EIF2B2: variants seen among roughly 807,000 people sequenced by gnomAD.
EIF2B2 encodes the protein eukaryotic translation initiation factor 2B subunit beta, also known as translation initiation factor eIF2B subunit beta.
Under a neutral mutation model 34.7 loss-of-function variants are expected in EIF2B2, and 34 were observed. The ratio of observed to expected loss-of-function variants is 0.98; its 90% confidence interval spans 0.75 to 1.31. The LOEUF (loss-of-function observed/expected upper bound fraction) is 1.31, where lower values mean the gene tolerates loss of function less well. Ranked by LOEUF, EIF2B2 falls within the 50% of genes most tolerant of loss-of-function variation. The pLI is 0.00. For synonymous variants in EIF2B2, 155 were observed against 171.6 expected, an observed-to-expected ratio of 0.90 and a Z score of 0.76; for missense variants, 361 against 447.7, an observed-to-expected ratio of 0.81 and a Z score of 1.75.
In EIF2B2 at chr14:75,011,000, T is replaced by G. The variant is rs1032909193; in HGVS notation, c.*1812T>G. On this transcript the variant is annotated 3_prime_UTR_variant, in exon 8 of 8. Transcript: ENST00000266126. ...GGTCAGGAGTTTGAGACCAGCCTGG[T>G]CAAAATGGCGAAACTAAAATACTAT... 2 of 152,116 alleles carry G rather than the reference T, an allele frequency of 1.3e-5. No individual in the cohort carries two copies. The highest frequency in any genetic ancestry group is 4.8e-5 in the African/African-American group (2 of 41,418). The allele number at this position is 152,116 out of a possible 1,614,324, so 9.4% of individuals were successfully genotyped here.
At position 75,009,495 on chromosome 14, in the gene EIF2B2, A is replaced by G. The variant is rs1405855277; in HGVS notation, c.*307A>G. On this transcript the variant is annotated 3_prime_UTR_variant, in exon 8 of 8. Coordinates refer to ENST00000266126, the MANE Select transcript of EIF2B2 (RefSeq NM_014239.4). ...TTTCTGGTTCAGTAGTGTGTTAAAC[A>G]TAACACTGAATACCTTACTGGGATA... The G allele has an allele frequency of 1.8e-5, 7 of 391,016 alleles. No homozygotes were observed. Among genetic ancestry groups the G allele is most frequent in the Non-Finnish European group, 2.9e-5 (6 of 205,472 alleles). 24.2% of individuals were successfully genotyped at this position (391,016 alleles called of 1,614,324 possible).
At chr14:75,003,419 T>C in intron 2 of EIF2B2, 24 bp downstream of exon 2, 3 of 1,613,870 alleles carry the variant, frequency 1.9e-6, no homozygotes, top group Non-Finnish European at 2.5e-6. Flanking sequence ...CCTGGGCTCC[T>C]GGTTGGATCC....
rs1402030349 is a variant in EIF2B2 at position 75,003,575 on chromosome 14, T to TG, written c.310dup (p.Asp104GlyfsTer32). ...GACTCCATGGACGCAGCGACGAGAG[T>TG]GATCAGCAGGAGTCCCTGCACAAAC... On this transcript the variant is annotated frameshift_variant, in exon 3 of 8. Coordinates refer to ENST00000266126, the MANE Select transcript of EIF2B2 (RefSeq NM_014239.4). LOFTEE classifies it high-confidence loss of function. 6.2e-7 allele frequency: 1 copy of TG among 1,613,908 alleles called. No individual in the cohort carries two copies. Among genetic ancestry groups the TG allele is most frequent in the Non-Finnish European group, 8.5e-7 (1 of 1,179,970 alleles).
chr14:75,007,927 T>A (rs1889651611), intron 7 of EIF2B2, 139 bp downstream of exon 7: 2 of 805,992 alleles, frequency 2.5e-6, no homozygotes, highest in Non-Finnish European at 4.1e-6. Context: ...ATACTTCTTG[T>A]GGGGACTGTT....
intron 4 of EIF2B2, among the ~76,000 whole-genome samples, chr14:75,005,464 G>C (rs1361980212): frequency 6.6e-6 from 1 of 152,016 alleles, no homozygotes; most frequent in Non-Finnish European, 1.5e-5. Context: ...AATTACCTTG[G>C]GGATGACTAA....
chr14:75,002,946 AGGTGT>A lies in EIF2B2; in HGVS notation c.-42_-38del, dbSNP rs534085536. ...GGAAGTGCAAACTGTGTGGTCTGGC[AGGTGT>A]GGATTCCGCCGGTGAAGGCTGAAGG... On this transcript the variant is annotated 5_prime_UTR_variant, in exon 1 of 8. Coordinates refer to ENST00000266126, the MANE Select transcript of EIF2B2 (RefSeq NM_014239.4). 167 of 1,613,006 alleles carry A rather than the reference AGGTGT, an allele frequency of 1.0e-4. No homozygotes were observed. The African/African-American group carries it at 2.0e-3, about 19-fold the overall frequency.
rs756365729 is a variant in EIF2B2 at position 75,007,707 on chromosome 14, T to G, written c.832-15T>G. 14 of 1,611,770 alleles carry G rather than the reference T, an allele frequency of 8.7e-6. No individual in the cohort carries two copies. The highest frequency in any genetic ancestry group is 1.2e-5 in the Non-Finnish European group (14 of 1,178,492). On this transcript the variant is annotated splice_polypyrimidine_tract_variant and intron_variant, in intron 6 of 7. Coordinates refer to ENST00000266126, the MANE Select transcript of EIF2B2 (RefSeq NM_014239.4). Reference sequence around the variant, plus strand: ...TTGCTGGGTCTCTAGTTTTTATAAATTTTTTCCTTTTTAGTTCCCCAATGA... The same window carrying G: ...TTGCTGGGTCTCTAGTTTTTATAAAGTTTTTCCTTTTTAGTTCCCCAATGA...
chr14:75,009,463 C>T lies in EIF2B2; in HGVS notation c.*275C>T. On this transcript the variant is annotated 3_prime_UTR_variant, in exon 8 of 8. Transcript: ENST00000266126. ...GACCTGGTTGCGTCTGTGTCAGGAA[C>T]TTAAACTTTCTGGTTCAGTAGTGTG... The T allele has an allele frequency of 4.4e-6, 2 of 455,566 alleles. No homozygotes were observed. The highest frequency in any genetic ancestry group is 2.1e-5 in the South Asian group (1 of 48,024). 28.2% of individuals were successfully genotyped at this position (455,566 alleles called of 1,614,324 possible).
In EIF2B2 at chr14:75,004,744, A is replaced by T. The variant is rs764538257; in HGVS notation, c.441A>T (p.Thr147=). The T allele has an allele frequency of 6.5e-7, 1 of 1,538,660 alleles. No individual in the cohort carries two copies. Among genetic ancestry groups the T allele is most frequent in the South Asian group, 1.1e-5 (1 of 88,978 alleles). Residue 147 remains threonine, a synonymous_variant, in exon 4 of 8, where the codon ACA becomes ACT. Transcript: ENST00000266126. ...GCAAAACCGTTCTTACAGAAGGGAC[A>T]ATGGAGAACATTGCAGCCCAGGCTC... ...INELLVELEG[T]MENIAAQALE...
chr14:75,007,276 T>C, intron 6 of EIF2B2: 1 of 358,614 alleles, frequency 2.8e-6, no homozygotes. Flanking sequence ...CACTCTCTAG[T>C]TTCAAAACTT....
intron 4 of EIF2B2, 122 bp from the exon 5 acceptor site, chr14:75,005,744 A>T: frequency 1.3e-6 from 1 of 792,762 alleles, no homozygotes; most frequent in Non-Finnish European, 2.2e-6. Context: ...TGAGTTATCT[A>T]TTGGAAATTA....
rs781057047 is a variant in EIF2B2, at chr14:75,002,969, G to C, written c.-22G>C. Reference sequence around the variant, plus strand: ...GCAGGTGTGGATTCCGCCGGTGAAGGCTGAAGGCAGCTACCTTAAAGATGC... The same window carrying C: ...GCAGGTGTGGATTCCGCCGGTGAAGCCTGAAGGCAGCTACCTTAAAGATGC... On this transcript the variant is annotated 5_prime_UTR_variant, in exon 1 of 8. Transcript: ENST00000266126. The C allele has an allele frequency of 6.2e-7, 1 of 1,613,782 alleles. No homozygotes were observed. Among genetic ancestry groups the C allele is most frequent in the South Asian group, 1.1e-5 (1 of 91,074 alleles).
In EIF2B2 at chr14:75,006,438, C is replaced by T; in HGVS notation, c.694-139C>T. Reference sequence around the variant, plus strand: ...TTTTAAGCTAGAACTTGTATTGAGCCAGGGATCCCTTCACCTCTACCAGTC... The same window carrying T: ...TTTTAAGCTAGAACTTGTATTGAGCTAGGGATCCCTTCACCTCTACCAGTC... On this transcript the variant is annotated intron_variant, in intron 5 of 7. Transcript: ENST00000266126. The surrounding 1 kb of genome is among the most constrained non-coding windows in gnomAD (Gnocchi z 4.1). 1.6e-6 allele frequency: 2 copies of T among 1,218,930 alleles called. No homozygotes were observed. The highest frequency in any genetic ancestry group is 1.2e-6 in the Non-Finnish European group (1 of 860,762). 75.5% of individuals were successfully genotyped at this position (1,218,930 alleles called of 1,614,324 possible).
chr14:75,002,939 G>A lies in EIF2B2; in HGVS notation c.-52G>A, dbSNP rs917157467. On this transcript the variant is annotated 5_prime_UTR_variant, in exon 1 of 8. Coordinates refer to ENST00000266126, the MANE Select transcript of EIF2B2 (RefSeq NM_014239.4). The stretch of plus-strand genomic sequence containing the variant: ...CCGCCCCGGAAGTGCAAACTGTGTG[G>A]TCTGGCAGGTGTGGATTCCGCCGGT... 7 of 1,612,538 alleles carry A rather than the reference G, an allele frequency of 4.3e-6. No individual in the cohort carries two copies. In the Admixed American group the frequency reaches 1.0e-4, roughly 23 times the overall value.
chr14:75,003,821 G>C (rs1889580005), intron 3 of EIF2B2, 122 bp downstream of exon 3: 1 of 1,433,426 alleles, frequency 7.0e-7, no homozygotes, highest in Admixed American at 2.0e-5. Context: ...TCAGAGGTTT[G>C]TCCTCCTTCC....
chr14:75,005,143 T>TG, intron 4 of EIF2B2: 1 of 426,476 alleles, frequency 2.3e-6, no homozygotes, highest in South Asian at 2.1e-5. Flanking sequence ...TTTGGGAGGC[T>TG]GGGCGGGTGG....
chr14:75,003,493 T>C, intron 2 of EIF2B2, 58 bp from the exon 3 acceptor site: 1 of 1,614,054 alleles, frequency 6.2e-7, no homozygotes, highest in East Asian at 2.2e-5. Flanking sequence ...GAACAGCCCT[T>C]GTTACCTGCC....
chr14:75,007,264 A>G, intron 6 of EIF2B2: 1 of 360,596 alleles, frequency 2.8e-6, no homozygotes, highest in South Asian at 2.2e-5. Flanking sequence ...TTGTACAACC[A>G]CCACTCTCTA....
At chr14:75,003,824 C>A in intron 3 of EIF2B2, 125 bp downstream of exon 3, 1 of 1,411,464 alleles carries the variant, frequency 7.1e-7, no homozygotes, top group Non-Finnish European at 9.8e-7. Context: ...GAGGTTTGTC[C>A]TCCTTCCTGA....
Sources: allele counts gnomAD v4.1 joint callset (sites outside exome capture counted in the v4.1 genomes callset), GRCh38; gene constraint gnomAD v4.1.1; non-coding constraint Gnocchi (gnomAD v3.1); transcripts MANE v1.5; gene names NCBI Gene and HGNC (gene_info 2026-07-23, HGNC 2026-07-21).